AGMO: variants seen among roughly 807,000 people sequenced by gnomAD.
The protein encoded by AGMO is glyceryl-ether monooxygenase.
A neutral mutation model predicts 60.2 loss-of-function variants in AGMO; 75 were observed. The ratio of observed to expected loss-of-function variants is 1.25; its 90% CI spans 1.03 to 1.51. The LOEUF (loss-of-function observed/expected upper bound fraction) is 1.51. Ranked by LOEUF, AGMO falls within the 40% of genes most tolerant of loss-of-function variation. The probability of loss-of-function intolerance (pLI) is 0.00; values close to 1 mark genes in which losing one functional copy is unlikely to be tolerated. For missense variants in AGMO, 763 were observed against 525.5 expected, an observed-to-expected ratio of 1.45 and a Z score of -4.42; for synonymous variants, 261 against 177.1, an observed-to-expected ratio of 1.47 and a Z score of -3.76.
intron 3 of AGMO, among the ~76,000 whole-genome samples, chr7:15,529,687 G>C (rs1235590816): frequency 4.0e-5 from 3 of 74,900 alleles, no homozygotes; most frequent in African/African-American, 1.6e-4. Flanking sequence ...TCTATATATA[G>C]AATATATATT....
At chr7:15,335,755 T>G (rs1781639497) in intron 12 of AGMO, among the ~76,000 whole-genome samples, 1 of 152,200 alleles carries the variant, frequency 6.6e-6, no homozygotes, top group Non-Finnish European at 1.5e-5. Flanking sequence ...CATCTATAAC[T>G]TAGATAACAC....
At chr7:15,128,427 A>T in the AGMO span, among the ~76,000 whole-genome samples, 3 of 152,266 alleles carry the variant, frequency 2.0e-5, no homozygotes, top group South Asian at 6.2e-4. Context: ...TTTTATTAGT[A>T]GTCACTTATC....
chr7:15,561,690 T>C (rs1785310883), intron 1 of AGMO, 30 bp downstream of exon 1: 1 of 1,562,628 alleles, frequency 6.4e-7, no homozygotes, highest in East Asian at 2.3e-5. Flanking sequence ...GCAGCAAGAA[T>C]AAGAGTAGCC....
chr7:15,242,421 T>G (rs73279621), intron 12 of AGMO, among the ~76,000 whole-genome samples: 1 of 152,224 alleles, frequency 6.6e-6, no homozygotes, highest in Non-Finnish European at 1.5e-5. Context: ...GGCTTATTTT[T>G]TAACCACAGT....
At chr7:15,248,237 A>G (rs2128505580) in intron 12 of AGMO, among the ~76,000 whole-genome samples, 1 of 72,126 alleles carries the variant, frequency 1.4e-5, no homozygotes, top group East Asian at 4.4e-4. Context: ...TTCATCTTCA[A>G]TTCTAGTCTA....
chr7:15,297,495 G>A (rs1022256039), intron 12 of AGMO, among the ~76,000 whole-genome samples: 2 of 152,104 alleles, frequency 1.3e-5, no homozygotes, highest in East Asian at 3.9e-4. Context: ...AAAACATGCA[G>A]ATTTTGAAAG....
intron 12 of AGMO, among the ~76,000 whole-genome samples, chr7:15,280,231 T>A (rs968907876): frequency 6.6e-6 from 1 of 152,160 alleles, no homozygotes; most frequent in Admixed American, 6.5e-5. Flanking sequence ...ACAGACTGCC[T>A]GAAACTTAGC....
At chr7:15,425,442 T>TA (rs941893278) in intron 4 of AGMO, among the ~76,000 whole-genome samples, 10 of 150,006 alleles carry the variant, frequency 6.7e-5, no homozygotes, top group Middle Eastern at 3.5e-3. Context: ...ATTTTATTTT[T>TA]TTTTTTTTGA....
intron 3 of AGMO, among the ~76,000 whole-genome samples, chr7:15,466,717 C>T (rs1357259264): frequency 2.0e-5 from 3 of 152,048 alleles, no homozygotes; most frequent in African/African-American, 4.8e-5. Context: ...ATCATAGTAT[C>T]GCTAAGGAGT....
At chr7:15,300,497 A>C (rs1268456966) in intron 12 of AGMO, among the ~76,000 whole-genome samples, 1 of 152,160 alleles carries the variant, frequency 6.6e-6, no homozygotes, top group Non-Finnish European at 1.5e-5. Flanking sequence ...ATTAAGGTGA[A>C]GAAAACTGAA....
At chr7:15,354,327 T>TGTATATACAC (rs1491261219) in intron 12 of AGMO, among the ~76,000 whole-genome samples, 5 of 32,224 alleles carry the variant, frequency 1.6e-4, no homozygotes, top group Admixed American at 2.6e-4. Flanking sequence ...TGTATATACG[T>TGTATATACAC]ACGCGTGTAT....
At chr7:15,207,238 A>C (rs1781462397) in intron 12 of AGMO, among the ~76,000 whole-genome samples, 1 of 152,216 alleles carries the variant, frequency 6.6e-6, no homozygotes, top group Middle Eastern at 3.2e-3. Context: ...TGCACATGTA[A>C]ACCCATCTGG....
intron 12 of AGMO, among the ~76,000 whole-genome samples, chr7:15,258,219 C>G (rs976531244): frequency 2.0e-5 from 3 of 152,038 alleles, no homozygotes; most frequent in African/African-American, 4.8e-5. Context: ...TCAAAGCACA[C>G]AATCTGAAAT....
intron 3 of AGMO, among the ~76,000 whole-genome samples, chr7:15,511,519 G>A (rs1441732532): frequency 1.3e-5 from 2 of 152,022 alleles, no homozygotes; most frequent in African/African-American, 4.8e-5. Context: ...TGGGCAAAGG[G>A]CACAAACTTG....
At chr7:15,152,720 A>G in the AGMO span, among the ~76,000 whole-genome samples, 3 of 152,258 alleles carry the variant, frequency 2.0e-5, no homozygotes, top group South Asian at 6.2e-4. Flanking sequence ...TAAATATACA[A>G]CATTTTCTTT....
the AGMO span, among the ~76,000 whole-genome samples, chr7:15,169,510 C>T: frequency 2.0e-5 from 3 of 151,916 alleles, no homozygotes; most frequent in African/African-American, 7.3e-5. Flanking sequence ...AATCTCGGCT[C>T]ACCGCAACCT....
intron 3 of AGMO, among the ~76,000 whole-genome samples, chr7:15,431,956 C>A (rs1187460238): frequency 6.6e-6 from 1 of 151,486 alleles, no homozygotes; most frequent in African/African-American, 2.4e-5. Flanking sequence ...TTTATTCTGC[C>A]CATATTTTAA....
intron 12 of AGMO, among the ~76,000 whole-genome samples, chr7:15,214,778 T>A (rs1002623969): frequency 2.6e-5 from 4 of 152,042 alleles, no homozygotes; most frequent in African/African-American, 7.2e-5. Context: ...CACCTTGCAA[T>A]TGGTGGTAAG....
intron 3 of AGMO, among the ~76,000 whole-genome samples, chr7:15,457,795 C>A (rs1488658956): frequency 6.6e-6 from 1 of 152,084 alleles, no homozygotes; most frequent in East Asian, 1.9e-4. Context: ...TACCTTACAC[C>A]TACCATGAGA....
Sources: gnomAD v4.1 joint callset for allele counts (sites outside exome capture counted in the v4.1 genomes callset) on GRCh38, gnomAD v4.1.1 for gene constraint, MANE v1.5 for transcripts, NCBI Gene and HGNC (gene_info 2026-07-23, HGNC 2026-07-21) for gene names.